Variants in ZZZ3 observed in about 807,000 individuals in gnomAD.
ZZZ3 encodes the protein zinc finger ZZ-type containing 3, also known as ZZ-type zinc finger-containing protein 3.
In ZZZ3, 22 loss-of-function variants were observed where a neutral mutation model predicts 95.2. The ratio of observed to expected loss-of-function variants is 0.23; its 90% CI spans 0.17 to 0.33. ZZZ3 has a LOEUF of 0.33. Among genes scored for constraint, ZZZ3 ranks in the 10% least tolerant of loss-of-function variants. The probability of loss-of-function intolerance (pLI) is 1.00; values close to 1 mark genes in which losing one functional copy is unlikely to be tolerated. For missense variants in ZZZ3, 885 were observed against 1,066.5 expected (o/e 0.83, Z 2.37); for synonymous variants, 335 against 358.9 (o/e 0.93, Z 0.75).
At chr1:77,617,921 G>C (rs902250308) in intron 5 of ZZZ3, among the ~76,000 whole-genome samples, 15 of 152,126 alleles carry the variant, frequency 9.9e-5, no homozygotes, top group African/African-American at 3.4e-4. Context: ...CTCCAGCCTA[G>C]GTGACAGAGC....
At chr1:77,584,121 T>C (rs1208474076) in intron 6 of ZZZ3, among the ~76,000 whole-genome samples, 1 of 152,226 alleles carries the variant, frequency 6.6e-6, no homozygotes, top group African/African-American at 2.4e-5. Flanking sequence ...GGTACTAGTG[T>C]GCAAAAGTAG....
chr1:77,581,138 C>A, intron 8 of ZZZ3, 69 bp from the exon 9 acceptor site: 1 of 1,188,512 alleles, frequency 8.4e-7, no homozygotes. Context: ...AGCCAAATAA[C>A]ACGCAAATTG....
Position 77,563,907 on chromosome 1 carries a change from A to G in ZZZ3, c.*1733T>C, listed in dbSNP as rs1015013118. 2.0e-5 allele frequency: 3 copies of G among 152,010 alleles called. No individual in the cohort carries two copies. Among genetic ancestry groups the G allele is most frequent in the Admixed American group, 2.0e-4 (3 of 15,256 alleles). 9.4% of individuals were successfully genotyped at this position (152,010 alleles called of 1,614,324 possible). On this transcript the variant is annotated 3_prime_UTR_variant, in exon 15 of 15. Transcript: ENST00000370801. The stretch of plus-strand genomic sequence containing the variant: ...ATTACTTTAAAATTCTCATATTTCT[A>G]TATTTAAAATTCTATTACTTTTCTC...
chr1:77,638,766 G>A (rs944823974), intron 4 of ZZZ3, among the ~76,000 whole-genome samples: 1 of 152,180 alleles, frequency 6.6e-6, no homozygotes, highest in Admixed American at 6.5e-5. Context: ...AATGCAACTG[G>A]AAAGTGTAAC....
In ZZZ3 at chr1:77,569,103, G is replaced by A. The variant is rs146814383; in HGVS notation, c.2332-637C>T. On this transcript the variant is annotated intron_variant, in intron 12 of 14. Coordinates refer to ENST00000370801, the MANE Select transcript of ZZZ3 (RefSeq NM_015534.6). Reference sequence around the variant, plus strand: ...TGTAATCCCAGCACTTTGGGAGGCCGAGGTGGACGGATCACTTTAGGTCAG... The same window carrying A: ...TGTAATCCCAGCACTTTGGGAGGCCAAGGTGGACGGATCACTTTAGGTCAG... Among the ~76,000 whole-genome samples the A allele has an allele frequency of 7.4e-4, 113 of 152,342 alleles. No homozygotes were observed. The Middle Eastern group carries it at 0.014, about 18-fold the overall frequency.
chr1:77,678,253 G>A (rs988275187), intron 1 of ZZZ3, among the ~76,000 whole-genome samples: 1 of 152,090 alleles, frequency 6.6e-6, no homozygotes, highest in Non-Finnish European at 1.5e-5. Flanking sequence ...ATGTAATAGA[G>A]CCTTGTTTGG....
At chr1:77,647,472 T>C (rs1347855647) in intron 1 of ZZZ3, among the ~76,000 whole-genome samples, 2 of 151,362 alleles carry the variant, frequency 1.3e-5, no homozygotes, top group Non-Finnish European at 2.9e-5. Flanking sequence ...TGAGCTGAGA[T>C]TGCACCACTG....
intron 5 of ZZZ3, among the ~76,000 whole-genome samples, chr1:77,595,808 C>T (rs903586743): frequency 1.3e-5 from 2 of 151,968 alleles, no homozygotes; most frequent in Non-Finnish European, 2.9e-5. Flanking sequence ...TATAAAATTA[C>T]ACTCTGAGCA....
intron 14 of ZZZ3, 135 bp downstream of exon 14, chr1:77,565,946 A>G (rs1339431656): frequency 6.3e-6 from 7 of 1,102,828 alleles, no homozygotes; most frequent in Non-Finnish European, 9.0e-6. Flanking sequence ...AAAAAAATTA[A>G]TTGCCTAGAA....
At chr1:77,628,771 T>C (rs1667536190) in intron 5 of ZZZ3, among the ~76,000 whole-genome samples, 1 of 152,174 alleles carries the variant, frequency 6.6e-6, no homozygotes, top group Non-Finnish European at 1.5e-5. Flanking sequence ...TGCTCAGTAT[T>C]TTCTATTAAC....
chr1:77,648,749 A>G (rs1015009112), intron 1 of ZZZ3, among the ~76,000 whole-genome samples: 1 of 152,228 alleles, frequency 6.6e-6, no homozygotes, highest in African/African-American at 2.4e-5. Context: ...TGAAGTCCCC[A>G]AAAGACTGAA....
At chr1:77,662,260 C>A (rs1441124393) in intron 1 of ZZZ3, among the ~76,000 whole-genome samples, 2 of 152,014 alleles carry the variant, frequency 1.3e-5, no homozygotes, top group East Asian at 3.9e-4. Flanking sequence ...GATCTGCCCA[C>A]CTCAGCCTCT....
At chr1:77,584,382 A>C (rs764722643) in intron 6 of ZZZ3, 135 bp downstream of exon 6, 5 of 751,720 alleles carry the variant, frequency 6.7e-6, no homozygotes, top group Non-Finnish European at 9.7e-6. Context: ...TCTTGCCTTA[A>C]GTAGTACGGC....
In ZZZ3 at chr1:77,632,621, G is replaced by A. The variant is rs766855556; in HGVS notation, c.734C>T (p.Thr245Met). ...AAGGAACATTGAAGTTTGGGTATCC[G>A]TATCCCCATTTTCAGCTACTGATTT... Reference protein sequence around the residue: ...QEKSVAENGDTDTQTSMFLDS... With the variant: ...QEKSVAENGDMDTQTSMFLDS... Residue 245 changes from threonine (T) to methionine (M), a missense_variant, in exon 5 of 15, where the codon ACG becomes ATG. Around this residue, in one of 5 missense-constraint regions of ZZZ3, gnomAD observed 556 missense variants for 652.9 expected, o/e 0.85. Coordinates refer to ENST00000370801, the MANE Select transcript of ZZZ3 (RefSeq NM_015534.6). The A allele has an allele frequency of 1.7e-5, 28 of 1,613,974 alleles. No individual in the cohort carries two copies. The highest frequency in any genetic ancestry group is 8.3e-5 in the Admixed American group (5 of 59,998).
intron 1 of ZZZ3, among the ~76,000 whole-genome samples, chr1:77,653,697 G>T (rs112205007): frequency 1.3e-5 from 2 of 152,030 alleles, no homozygotes; most frequent in Non-Finnish European, 1.5e-5. Flanking sequence ...AGGTTGCGGT[G>T]AGCCTAGATC....
At chr1:77,624,534 C>T (rs1008533749) in intron 5 of ZZZ3, among the ~76,000 whole-genome samples, 8 of 152,072 alleles carry the variant, frequency 5.3e-5, no homozygotes, top group South Asian at 2.1e-4. Flanking sequence ...AACACATCTA[C>T]GAGCTATGAG....
rs1413924225 is a variant in ZZZ3, at chr1:77,575,940, A to T, written c.2331+128T>A. The T allele has an allele frequency of 2.8e-5, 19 of 690,464 alleles. No homozygotes were observed. In the East Asian group the frequency reaches 5.2e-4, roughly 19 times the overall value. 42.8% of individuals were successfully genotyped at this position (690,464 alleles called of 1,614,324 possible). On this transcript the variant is annotated intron_variant, in intron 12 of 14. Coordinates refer to ENST00000370801, the MANE Select transcript of ZZZ3 (RefSeq NM_015534.6). ...GAAATTTTCCTCACAAAAGTACATT[A>T]CTTAAAAACTATACATTTGACTTGT...
Position 77,621,316 on chromosome 1 carries a change from C to CA in ZZZ3, c.1505+10533dup, listed in dbSNP as rs560783953. Among the ~76,000 whole-genome samples the CA allele has an allele frequency of 9.9e-5, 15 of 150,982 alleles. No homozygotes were observed. The South Asian group carries it at 1.5e-3, about 15-fold the overall frequency. ...GCAACACAGAAGGAGCCTGTCTCTA[C>CA]AAAAAAATTAAATAAAATTAGAAGG... On this transcript the variant is annotated intron_variant, in intron 5 of 14. Coordinates refer to ENST00000370801, the MANE Select transcript of ZZZ3 (RefSeq NM_015534.6).
rs192098010 is a variant in ZZZ3, at chr1:77,668,318, T to C, written c.-403+14267A>G. Among the ~76,000 whole-genome samples the C allele has an allele frequency of 3.7e-4, 56 of 152,276 alleles. 3 individuals are homozygous for C. Among genetic ancestry groups the C allele is most frequent in the African/African-American group, 1.3e-3 (52 of 41,558 alleles). On this transcript the variant is annotated intron_variant, in intron 1 of 14. Transcript: ENST00000370801. ...ACCTAAGGTAAACTCCAAGACAGCA[T>C]AGAATGATCACTGTCTTTTGATTCC...
Sources: gnomAD v4.1 joint callset for allele counts (sites outside exome capture counted in the v4.1 genomes callset) on GRCh38, gnomAD v4.1.1 for gene constraint, gnomAD v4.1.1 regional missense constraint, MANE v1.5 for transcripts, NCBI Gene and HGNC (gene_info 2026-07-23, HGNC 2026-07-21) for gene names.